SETD7: variants seen among roughly 807,000 people sequenced by gnomAD.
The protein encoded by SETD7 is SET domain containing 7, histone lysine methyltransferase.
A neutral mutation model predicts 41.8 loss-of-function variants in SETD7; 16 were observed. The ratio of observed to expected loss-of-function variants is 0.38; its 90% CI spans 0.26 to 0.58. SETD7 has a LOEUF of 0.58. Ranked by LOEUF, SETD7 falls within the 20% of genes least tolerant of loss-of-function variation. SETD7 has a pLI of 0.64. For synonymous variants in SETD7, 163 were observed against 169.7 expected, an observed-to-expected ratio of 0.96 and a Z score of 0.31; for missense variants, 346 against 459.7, an observed-to-expected ratio of 0.75 and a Z score of 2.26.
chr4:139,512,752 C>CTTTTTTTTTTTTTTT (rs140570195), intron 7 of SETD7, among the ~76,000 whole-genome samples: 2 of 75,538 alleles, frequency 2.6e-5, no homozygotes, highest in Non-Finnish European at 4.9e-5. Flanking sequence ...TTTTCTTATT[C>CTTTTTTTTTTTTTTT]TTTTTTTTTT....
downstream of SETD7, among the ~76,000 whole-genome samples, chr4:139,503,465 C>A (rs777047836): frequency 1.9e-4 from 29 of 152,056 alleles, no homozygotes; most frequent in Admixed American, 3.3e-4. Flanking sequence ...TGTGCCTTAA[C>A]CTCTCTATGC....
At chr4:139,532,393 C>T (rs1727508612) in intron 3 of SETD7, among the ~76,000 whole-genome samples, 2 of 152,036 alleles carry the variant, frequency 1.3e-5, no homozygotes. Flanking sequence ...GAGCCAAGAT[C>T]GTGCCACTGC....
intron 2 of SETD7, among the ~76,000 whole-genome samples, chr4:139,544,797 AGTGTGTGT>A (rs10581648): frequency 1.9e-4 from 27 of 144,930 alleles, no homozygotes; most frequent in Middle Eastern, 3.5e-3. Context: ...CCAGATTTAA[AGTGTGTGT>A]GTGTGTGTGT....
At chr4:139,513,316 A>G (rs1315358077) in intron 7 of SETD7, among the ~76,000 whole-genome samples, 1 of 151,658 alleles carries the variant, frequency 6.6e-6, no homozygotes, top group Non-Finnish European at 1.5e-5. Context: ...GCTACTTGGG[A>G]GGCTGAAGCA....
intron 7 of SETD7, among the ~76,000 whole-genome samples, chr4:139,499,122 G>A (rs993191687): frequency 6.6e-6 from 1 of 152,230 alleles, no homozygotes; most frequent in Admixed American, 6.5e-5. Flanking sequence ...CCCCATTCCA[G>A]AAAGGGCACT....
intron 7 of SETD7, among the ~76,000 whole-genome samples, chr4:139,498,305 A>G (rs1316547430): frequency 2.0e-5 from 3 of 151,994 alleles, no homozygotes; most frequent in Non-Finnish European, 4.4e-5. Flanking sequence ...TGTGCCTACA[A>G]CCACTTCCTT....
chr4:139,539,086 A>G (rs1163551376), intron 2 of SETD7, among the ~76,000 whole-genome samples: 4 of 152,058 alleles, frequency 2.6e-5, no homozygotes, highest in African/African-American at 9.7e-5. Flanking sequence ...AATATAGAAA[A>G]CTGTTCTTAG....
Position 139,529,054 on chromosome 4 carries a change from G to A in SETD7, c.539C>T (p.Pro180Leu), listed in dbSNP as rs1412265737. Residue 180 changes from proline to leucine, a missense_variant, in exon 4 of 8, where the codon CCT (proline) becomes CTT (leucine). Pro to Leu is a moderately conservative substitution (Grantham distance 98). Around this residue, in one of 3 missense-constraint regions of SETD7, gnomAD observed 266 missense variants for 377.0 expected, o/e 0.71. Transcript: ENST00000274031. ...ATLMSTEEGR[P>L]HFELMPGNSV... is the part of the protein sequence containing the mutation. ...ACTTCCAGGCATCAGTTCAAAGTGA[G>A]GCCTCCCTTCTTCAGTGGACATAAG... The A allele has an allele frequency of 1.2e-6, 2 of 1,613,908 alleles. No homozygotes were observed. Among genetic ancestry groups the A allele is most frequent in the South Asian group, 2.2e-5 (2 of 91,048 alleles).
Position 139,525,375 on chromosome 4 carries a change from C to T in SETD7, c.563-1940G>A, listed in dbSNP as rs568462906. On this transcript the variant is annotated intron_variant, in intron 4 of 7. Transcript: ENST00000274031. The stretch of plus-strand genomic sequence containing the variant: ...GCCTTAGACATGCCCAGGCTGCAGG[C>T]ACATCCTTTACTTTTACAGATTTTA... 3.9e-5 allele frequency among the ~76,000 whole-genome samples: 6 copies of T among 152,320 alleles called. No homozygotes were observed. In the East Asian group the frequency reaches 1.2e-3, roughly 29 times the overall value.
intron 2 of SETD7, among the ~76,000 whole-genome samples, chr4:139,545,968 CTT>C (rs1376646086): frequency 2.6e-5 from 4 of 152,184 alleles, no homozygotes; most frequent in Non-Finnish European, 4.4e-5. Context: ...CATGGTCACT[CTT>C]TGCTCCTGAA....
downstream of SETD7, among the ~76,000 whole-genome samples, chr4:139,502,972 CAGG>C (rs754152527): frequency 1.6e-4 from 25 of 151,814 alleles, no homozygotes; most frequent in East Asian, 1.2e-3. Flanking sequence ...TGCCTGAGCT[CAGG>C]AGTTCGAGAC....
At chr4:139,521,405 G>A (rs982166977) in intron 5 of SETD7, among the ~76,000 whole-genome samples, 13 of 146,834 alleles carry the variant, frequency 8.9e-5, no homozygotes, top group Admixed American at 6.3e-4. Context: ...CAGTCTGGAC[G>A]ACAAGAGCAA....
chr4:139,518,318 G>A (rs749572844), intron 6 of SETD7, among the ~76,000 whole-genome samples: 1 of 152,030 alleles, frequency 6.6e-6, no homozygotes, highest in Non-Finnish European at 1.5e-5. Flanking sequence ...TTGTAGAGAC[G>A]GGGTTTCACC....
intron 7 of SETD7, among the ~76,000 whole-genome samples, chr4:139,512,318 C>T (rs1206217081): frequency 4.6e-5 from 7 of 152,058 alleles, no homozygotes; most frequent in Non-Finnish European, 1.0e-4. Flanking sequence ...AAGAAAGAGC[C>T]CTGTGGATTT....
rs1183493206 is a variant in SETD7, at chr4:139,510,702, A to T, written c.*961T>A. On this transcript the variant is annotated 3_prime_UTR_variant, in exon 8 of 8. Coordinates refer to ENST00000274031, the MANE Select transcript of SETD7 (RefSeq NM_030648.4). ...TTTTGAATTCAATGCACTGTGCCAC[A>T]AGCCTGACCGCGCTATGTTATGTAC... 1 of 152,350 alleles carries T rather than the reference A, an allele frequency of 6.6e-6. No homozygotes were observed. Among genetic ancestry groups the T allele is most frequent in the Non-Finnish European group, 1.5e-5 (1 of 68,034 alleles). 9.4% of individuals were successfully genotyped at this position (152,350 alleles called of 1,614,324 possible).
At chr4:139,504,447 A>G (rs1163985382), downstream of SETD7, among the ~76,000 whole-genome samples, 1 of 152,070 alleles carries the variant, frequency 6.6e-6, no homozygotes, top group African/African-American at 2.4e-5. Context: ...TGGAGCAGAA[A>G]CCCCTTTTCT....
chr4:139,526,573 C>T (rs1727336341), intron 4 of SETD7, among the ~76,000 whole-genome samples: 1 of 152,008 alleles, frequency 6.6e-6, no homozygotes, highest in Non-Finnish European at 1.5e-5. Flanking sequence ...TGTGAGCCAC[C>T]AGCCCTGGCC....
intron 1 of SETD7, 88 bp from the exon 2 acceptor site, chr4:139,547,137 T>G (rs1464209114): frequency 7.2e-6 from 11 of 1,520,834 alleles, no homozygotes; most frequent in Non-Finnish European, 9.8e-6. Flanking sequence ...GCCAGACAAG[T>G]CCCCCACCCA....
intron 4 of SETD7, among the ~76,000 whole-genome samples, chr4:139,527,920 T>C (rs1045468062): frequency 6.6e-6 from 1 of 152,202 alleles, no homozygotes; most frequent in African/African-American, 2.4e-5. Context: ...TAAATATAAA[T>C]GCTAAAATTT....
Sources: gnomAD v4.1 joint callset for allele counts (sites outside exome capture counted in the v4.1 genomes callset) on GRCh38, gnomAD v4.1.1 for gene constraint, gnomAD v4.1.1 regional missense constraint, MANE v1.5 for transcripts, NCBI Gene and HGNC (gene_info 2026-07-23, HGNC 2026-07-21) for gene names.